The following THUMPD2 variants were observed in gnomAD, a reference collection of about 807,000 sequenced individuals.
THUMPD2 encodes the protein U6 snRNA (guanine-N(2))-methyltransferase THUMPD2.
A neutral mutation model predicts 49.4 loss-of-function variants in THUMPD2; 56 were observed. The observed-to-expected ratio is 1.13, with a 90% CI of 0.91 to 1.41. The LOEUF is 1.41. THUMPD2 is among the 40% of genes most tolerant of loss of function. The pLI, the probability that THUMPD2 is intolerant of heterozygous loss-of-function variation, is 0.00. For missense variants in THUMPD2, 709 were observed against 594.5 expected, an observed-to-expected ratio of 1.19 and a Z score of -2.00; for synonymous variants, 237 against 205.2, an observed-to-expected ratio of 1.15 and a Z score of -1.32.
chr2:39,751,565 CCTAA>C (rs569612625), intron 8 of THUMPD2, among the ~76,000 whole-genome samples: 110 of 152,106 alleles, frequency 7.2e-4, no homozygotes, highest in South Asian at 5.8e-3. Flanking sequence ...TTTAAAAAAG[CCTAA>C]CTAATGACTA....
At chr2:39,775,274 G>A (rs1178052549) in intron 1 of THUMPD2, among the ~76,000 whole-genome samples, 1 of 152,108 alleles carries the variant, frequency 6.6e-6, no homozygotes, top group African/African-American at 2.4e-5. Flanking sequence ...GCCTGATCCT[G>A]TCACGATTTT....
intron 6 of THUMPD2, among the ~76,000 whole-genome samples, chr2:39,756,721 T>C (rs72938112): frequency 0.027 from 4,053 of 152,080 alleles, 173 homozygotes; most frequent in African/African-American, 0.092. Context: ...AATTCAAGCT[T>C]TGGCTTGACA....
rs377011470 is a variant in THUMPD2, at chr2:39,736,887, C to T, written c.1360G>A (p.Ala454Thr). ...PEEKTGAFKT[A>T]STSFEASNHK... Reference sequence around the variant, plus strand: ...TTACTGGCTTCGAATGAAGTTGACGCTGTCTTGAATGCACCAGTTTTTTCT... The same window carrying T: ...TTACTGGCTTCGAATGAAGTTGACGTTGTCTTGAATGCACCAGTTTTTTCT... Residue 454 changes from alanine (A) to threonine (T), a missense_variant, in exon 10 of 10, where the codon GCG becomes ACG. Coordinates refer to ENST00000505747, the MANE Select transcript of THUMPD2 (RefSeq NM_025264.5). 16 of 1,614,196 alleles carry T rather than the reference C, an allele frequency of 9.9e-6. No homozygotes were observed. In the African/African-American group the frequency reaches 1.6e-4, roughly 16 times the overall value.
At chr2:39,753,774 C>T (rs1316186785) in intron 8 of THUMPD2, among the ~76,000 whole-genome samples, 1 of 152,172 alleles carries the variant, frequency 6.6e-6, no homozygotes, top group Non-Finnish European at 1.5e-5. Flanking sequence ...GACCTTCTCT[C>T]GACATCTCCT....
At chr2:39,757,326 G>A (rs1250555816) in intron 6 of THUMPD2, 3 of 1,140,418 alleles carry the variant, frequency 2.6e-6, no homozygotes, top group Non-Finnish European at 3.6e-6. Context: ...AGGAAGCAGA[G>A]TCCTCAGTGC....
At chr2:39,772,336 T>C (rs983884708) in intron 1 of THUMPD2, among the ~76,000 whole-genome samples, 8 of 152,182 alleles carry the variant, frequency 5.3e-5, no homozygotes, top group East Asian at 1.9e-4. Flanking sequence ...CGAATGGTAA[T>C]GGTCAACCAT....
intron 1 of THUMPD2, among the ~76,000 whole-genome samples, chr2:39,777,707 A>T (rs1304044201): frequency 6.6e-6 from 1 of 152,210 alleles, no homozygotes; most frequent in Non-Finnish European, 1.5e-5. Context: ...TTTCAAACAT[A>T]CAAGAGCAGA....
At chr2:39,738,990 T>G (rs1673537328) in intron 9 of THUMPD2, among the ~76,000 whole-genome samples, 1 of 152,188 alleles carries the variant, frequency 6.6e-6, no homozygotes, top group South Asian at 2.1e-4. Context: ...TTCCCTAGTC[T>G]AATCCATCAG....
intron 5 of THUMPD2, among the ~76,000 whole-genome samples, chr2:39,765,228 T>C (rs1018064849): frequency 3.3e-5 from 5 of 152,180 alleles, no homozygotes; most frequent in African/African-American, 7.2e-5. Flanking sequence ...GGCATGATTC[T>C]GGCTCATGGC....
intron 8 of THUMPD2, among the ~76,000 whole-genome samples, chr2:39,747,146 C>T (rs1674710060): frequency 6.6e-6 from 1 of 152,182 alleles, no homozygotes; most frequent in African/African-American, 2.4e-5. Flanking sequence ...TTTGGTTAGG[C>T]ATAATATTTT....
chr2:39,768,817 T>A (rs763804301), intron 3 of THUMPD2: 104 of 1,035,948 alleles, frequency 1.0e-4, no homozygotes, highest in Admixed American at 6.4e-4. Context: ...TTTCAGGAAA[T>A]AGATGCAAGC....
intron 3 of THUMPD2, chr2:39,768,718 T>C: frequency 1.5e-6 from 1 of 670,874 alleles, no homozygotes; most frequent in Non-Finnish European, 2.4e-6. Context: ...CCCATGGCAT[T>C]AATGTCTACT....
chr2:39,771,365 T>G (rs1678285752), intron 2 of THUMPD2, 140 bp downstream of exon 2: 12 of 920,210 alleles, frequency 1.3e-5, no homozygotes, highest in Non-Finnish European at 1.9e-5. Flanking sequence ...ATTCAGGAAA[T>G]ACAGAAAAAT....
In THUMPD2 at chr2:39,744,370, C is replaced by G. The variant is rs755521596; in HGVS notation, c.1187G>C (p.Arg396Thr). ...TATGAAAATAAATTCAACAACTTAC[C>G]TTTCCATTTCTTGTAGAATGCTTTT... The part of the protein sequence containing the change: ...DIKSILQEME[R>T]VLHVGGTIVL... Residue 396 changes from arginine to threonine, a missense_variant and splice_region_variant, in exon 9 of 10, where the codon AGA becomes ACA. Physicochemically the swap from Arg to Thr is moderately conservative, Grantham distance 71 (BLOSUM62 -1). Transcript: ENST00000505747. The G allele has an allele frequency of 2.6e-6, 4 of 1,543,272 alleles. No homozygotes were observed. The highest frequency in any genetic ancestry group is 3.5e-6 in the Non-Finnish European group (4 of 1,143,670).
chr2:39,760,424 CT>C (rs1182170091), intron 6 of THUMPD2, among the ~76,000 whole-genome samples: 1 of 152,016 alleles, frequency 6.6e-6, no homozygotes, highest in Non-Finnish European at 1.5e-5. Context: ...GAAGTAAAAT[CT>C]CTAACCACAA....
chr2:39,770,083 T>G lies in THUMPD2; in HGVS notation c.299A>C (p.Glu100Ala). 1 of 1,542,524 alleles carries G rather than the reference T, an allele frequency of 6.5e-7. No homozygotes were observed. The change falls in exon 3 of 10, where the codon GAA (glutamate) becomes GCA (alanine). Residue 100 changes from glutamate to alanine, a missense_variant. Physicochemically the swap from Glu to Ala is moderately radical, Grantham distance 107. Coordinates refer to ENST00000505747, the MANE Select transcript of THUMPD2 (RefSeq NM_025264.5). Reference sequence around the variant, plus strand: ...GGCATTCAACCAACTTCCTGGATCTTCATTTATAAGTCTTTGCATTTCATT... The same window carrying G: ...GGCATTCAACCAACTTCCTGGATCTGCATTTATAAGTCTTTGCATTTCATT... ...IFNEMQRLIN[E>A]DPGSWLNAIS...
At chr2:39,769,667 T>C (rs1280923803) in intron 3 of THUMPD2, 43 bp downstream of exon 3, 4 of 1,467,718 alleles carry the variant, frequency 2.7e-6, no homozygotes. Context: ...TGCAACTGCA[T>C]TCCAGCCTGG....
At position 39,772,078 on chromosome 2, in the gene THUMPD2, T is replaced by C. The variant is rs146138818; in HGVS notation, c.127-438A>G. On this transcript the variant is annotated intron_variant, in intron 1 of 9. Coordinates refer to ENST00000505747, the MANE Select transcript of THUMPD2 (RefSeq NM_025264.5). ...TTAACATTATAATGCACTGACAAGC[T>C]GTAAGTACACTAAGTAGCAATGACT... Among the ~76,000 whole-genome samples, 589 of 152,282 alleles carry C rather than the reference T, an allele frequency of 3.9e-3. 3 individuals are homozygous for C. Among genetic ancestry groups the C allele is most frequent in the Non-Finnish European group, 5.5e-3 (377 of 68,010 alleles).
chr2:39,736,585 A>G lies in THUMPD2; in HGVS notation c.*150T>C. 1 of 568,294 alleles carries G rather than the reference A, an allele frequency of 1.8e-6. No homozygotes were observed. Among genetic ancestry groups the G allele is most frequent in the Non-Finnish European group, 3.0e-6 (1 of 334,320 alleles). 35.2% of individuals were successfully genotyped at this position (568,294 alleles called of 1,614,324 possible). On this transcript the variant is annotated 3_prime_UTR_variant, in exon 10 of 10. Coordinates refer to ENST00000505747, the MANE Select transcript of THUMPD2 (RefSeq NM_025264.5). ...GAATATAAAGCAGAAACTCTTACCA[A>G]GCATGTGTACCCATCAGCCACACCT... is the stretch of plus-strand genomic sequence containing the variant.
Sources: allele counts gnomAD v4.1 joint callset (sites outside exome capture counted in the v4.1 genomes callset), GRCh38; gene constraint gnomAD v4.1.1; transcripts MANE v1.5; gene names NCBI Gene and HGNC (gene_info 2026-07-23, HGNC 2026-07-21).